Variants in PCBP2 observed in about 807,000 individuals in gnomAD.
PCBP2 encodes poly(rC)-binding protein 2.
Under a neutral mutation model 50.1 loss-of-function variants are expected in PCBP2, and 4 were observed. That is an observed-to-expected ratio of 0.08 (90% CI 0.04 to 0.18). PCBP2 has a LOEUF of 0.18. PCBP2 is among the 10% of genes least tolerant of loss of function. PCBP2 has a pLI of 1.00. For synonymous variants in PCBP2, 179 were observed against 168.0 expected (o/e 1.07, Z -0.51); for missense variants, 161 against 474.3 (o/e 0.34, Z 6.14).
intron 9 of PCBP2, among the ~76,000 whole-genome samples, chr12:53,465,670 C>T (rs183793035): frequency 2.6e-5 from 4 of 152,252 alleles, no homozygotes; most frequent in Admixed American, 2.6e-4. Context: ...CATTAAGAAA[C>T]AGTTATGTAT....
At chr12:53,475,384 G>T (rs1942508793) in intron 14 of PCBP2, 2 of 345,032 alleles carry the variant, frequency 5.8e-6, no homozygotes, top group Admixed American at 4.0e-5. Flanking sequence ...TTAGGTTTAG[G>T]CCATTTCAGC....
chr12:53,479,592 T>C lies in PCBP2; in HGVS notation c.*150T>C, dbSNP rs1046174315. ...ACTTTATCATCCACTCGTGATTTTT[T>C]AATTAAAGCGTTTTAATTCCTTTCT... On this transcript the variant is annotated 3_prime_UTR_variant, in exon 15 of 15. Coordinates refer to ENST00000546463, the MANE Select transcript of PCBP2 (RefSeq NM_031989.5). The C allele has an allele frequency of 5.1e-6, 3 of 587,144 alleles. No individual in the cohort carries two copies. In the East Asian group the frequency reaches 8.7e-5, roughly 17 times the overall value. The allele number at this position is 587,144 out of a possible 1,614,324, so 36.4% of individuals were successfully genotyped here. A position where few individuals can be genotyped will look rare whatever the true frequency, so the allele number is the denominator to read the frequency against.
chr12:53,466,033 ACTC>A (rs1258033689), intron 10 of PCBP2, 60 bp downstream of exon 10: 2 of 1,436,784 alleles, frequency 1.4e-6, no homozygotes, highest in East Asian at 4.5e-5. Flanking sequence ...AAATTGTCTC[ACTC>A]CTCTCTCCCA....
chr12:53,479,557 G>T lies in PCBP2; in HGVS notation c.*115G>T. On this transcript the variant is annotated 3_prime_UTR_variant, in exon 15 of 15. Transcript: ENST00000546463. ...GTTTTAAATAGTTTGTAAATTTTCAGTTTCTACACACTTTATCATCCACTC... is the reference window on the plus strand; with the variant it reads ...GTTTTAAATAGTTTGTAAATTTTCATTTTCTACACACTTTATCATCCACTC... The T allele has an allele frequency of 1.2e-6, 1 of 842,680 alleles. No homozygotes were observed. The highest frequency in any genetic ancestry group is 1.9e-6 in the Non-Finnish European group (1 of 516,100). The allele number at this position is 842,680 out of a possible 1,614,324, so 52.2% of individuals were successfully genotyped here.
intron 5 of PCBP2, among the ~76,000 whole-genome samples, chr12:53,457,961 C>T (rs1320790829): frequency 6.6e-6 from 1 of 152,116 alleles, no homozygotes; most frequent in African/African-American, 2.4e-5. Flanking sequence ...GGAGTTTCCT[C>T]CTTGTCGCCC....
rs749755850 is a variant in PCBP2 at position 53,464,788 on chromosome 12, C to T, written c.608C>T (p.Ala203Val). 6 of 1,611,870 alleles carry T rather than the reference C, an allele frequency of 3.7e-6. No individual in the cohort carries two copies. The highest frequency in any genetic ancestry group is 4.2e-6 in the Non-Finnish European group (5 of 1,179,120). Residue 203 changes from alanine to valine, a missense_variant, in exon 9 of 15, where the codon GCG (alanine) becomes GTG (valine). This residue lies in a region of PCBP2 where 35 missense variants were observed against 45.5 expected (regional missense o/e 0.77). Coordinates refer to ENST00000546463, the MANE Select transcript of PCBP2 (RefSeq NM_031989.5). The stretch of plus-strand genomic sequence containing the variant: ...AGGTACAGCACAGGCAGCGACAGTG[C>T]GAGCTTTCCCCACACCACCCCGTCC... ...QDRYSTGSDS[A>V]SFPHTTPSMC...
At chr12:53,460,302 G>C in intron 6 of PCBP2, 1 of 311,864 alleles carries the variant, frequency 3.2e-6, no homozygotes, top group Non-Finnish European at 6.5e-6. Flanking sequence ...ACAATGCCCG[G>C]CTAATTTTTC....
At chr12:53,462,390 A>G (rs1285780586) in intron 7 of PCBP2, 103 bp from the exon 8 acceptor site, 14 of 832,688 alleles carry the variant, frequency 1.7e-5, no homozygotes, top group Non-Finnish European at 2.5e-5. Context: ...GGGGATGGAA[A>G]TAGTTTTTAA....
chr12:53,468,206 AGACAGG>A (rs1478215341), intron 12 of PCBP2: 1 of 222,504 alleles, frequency 4.5e-6, no homozygotes. Flanking sequence ...ATTGAACAAA[AGACAGG>A]GACTAAATCT....
At chr12:53,453,795 A>G (rs958969138) in intron 1 of PCBP2, among the ~76,000 whole-genome samples, 2 of 152,206 alleles carry the variant, frequency 1.3e-5, no homozygotes, top group South Asian at 2.1e-4. Context: ...TTCTTTCTAC[A>G]CATAACTAGT....
In PCBP2 at chr12:53,456,014, C is replaced by A; in HGVS notation, c.243+13C>A. ...CAAACTGGAAGAGGTTTGTTGTCTC[C>A]CACTCCCTCATTCTTCATTTTTAAG... On this transcript the variant is annotated intron_variant, in intron 5 of 14. Coordinates refer to ENST00000546463, the MANE Select transcript of PCBP2 (RefSeq NM_031989.5). 7.0e-7 allele frequency: 1 copy of A among 1,434,536 alleles called. No homozygotes were observed. The highest frequency in any genetic ancestry group is 9.8e-7 in the Non-Finnish European group (1 of 1,016,852). 88.9% of individuals were successfully genotyped at this position (1,434,536 alleles called of 1,614,324 possible).
At chr12:53,457,835 A>G (rs986584859) in intron 5 of PCBP2, among the ~76,000 whole-genome samples, 2 of 152,206 alleles carry the variant, frequency 1.3e-5, no homozygotes, top group Non-Finnish European at 2.9e-5. Flanking sequence ...AGAAGGCTAA[A>G]TTTAACTAGA....
chr12:53,459,558 G>A (rs1473765595), intron 6 of PCBP2, among the ~76,000 whole-genome samples, 155 bp downstream of exon 6: 1 of 152,146 alleles, frequency 6.6e-6, no homozygotes, highest in Non-Finnish European at 1.5e-5. Flanking sequence ...TAAAACTCAT[G>A]CAATAGAATT....
At chr12:53,460,849 T>G in intron 6 of PCBP2, 166 bp from the exon 7 acceptor site, 1 of 639,136 alleles carries the variant, frequency 1.6e-6, no homozygotes, top group Admixed American at 3.1e-5. Context: ...TCTAATTCAC[T>G]AAACAGTCCT....
chr12:53,462,370 T>C, intron 7 of PCBP2, 123 bp from the exon 8 acceptor site: 1 of 661,772 alleles, frequency 1.5e-6, no homozygotes, highest in Non-Finnish European at 2.6e-6. Context: ...AGAGACAATT[T>C]GGTAGGTAAG....
intron 1 of PCBP2, 153 bp from the exon 2 acceptor site, chr12:53,454,573 T>C: frequency 1.9e-6 from 1 of 538,724 alleles, no homozygotes; most frequent in South Asian, 2.0e-5. Context: ...CTGTATATTT[T>C]GTCATGCAGT....
chr12:53,465,878 T>C, intron 9 of PCBP2, 54 bp from the exon 10 acceptor site: 4 of 1,435,430 alleles, frequency 2.8e-6, no homozygotes, highest in Non-Finnish European at 3.9e-6. Context: ...TTCCCCCCAC[T>C]GGGTGGCTGT....
intron 11 of PCBP2, 82 bp from the exon 12 acceptor site, chr12:53,467,723 G>T: frequency 9.2e-7 from 1 of 1,081,086 alleles, no homozygotes; most frequent in Non-Finnish European, 1.4e-6. Flanking sequence ...TTTCGTTTTT[G>T]GGGCTTTTCT....
chr12:53,459,978 C>T (rs746721536), intron 6 of PCBP2: 30 of 389,942 alleles, frequency 7.7e-5, no homozygotes, highest in Non-Finnish European at 1.2e-4. Context: ...AGGCTGGTTT[C>T]GAACTCCTGA....
Sources: allele counts gnomAD v4.1 joint callset (sites outside exome capture counted in the v4.1 genomes callset), GRCh38; gene constraint gnomAD v4.1.1; regional missense constraint gnomAD v4.1.1; transcripts MANE v1.5; gene names NCBI Gene and HGNC (gene_info 2026-07-23, HGNC 2026-07-21).